SLC2A9: variants seen among roughly 807,000 people sequenced by gnomAD.
SLC2A9 encodes the protein solute carrier family 2 member 9.
SLC2A9 carries 39 observed loss-of-function variants against 50.6 expected under a neutral mutation model. The observed-to-expected ratio is 0.77, with a 90% CI of 0.60 to 1.01. The LOEUF is 1.01. Among genes scored for constraint, SLC2A9 ranks in the 50% least tolerant of loss-of-function variants. SLC2A9 has a pLI of 0.00. For missense variants in SLC2A9, 686 were observed against 677.6 expected (o/e 1.01, Z -0.14); for synonymous variants, 324 against 276.9 (o/e 1.17, Z -1.69).
chr4:9,916,187 G>C (rs114602281), intron 7 of SLC2A9, among the ~76,000 whole-genome samples: 7,975 of 152,216 alleles, frequency 0.052, 689 homozygotes, highest in African/African-American at 0.18. Context: ...AGACCTCTTA[G>C]TCTAGCAAGG....
chr4:9,939,717 G>C (rs1025509054), intron 6 of SLC2A9, among the ~76,000 whole-genome samples: 1 of 152,082 alleles, frequency 6.6e-6, no homozygotes, highest in Non-Finnish European at 1.5e-5. Flanking sequence ...ATACAGATGA[G>C]CCATTAGTGG....
downstream of SLC2A9, among the ~76,000 whole-genome samples, chr4:9,775,340 C>T (rs1399204341): frequency 6.6e-6 from 1 of 152,136 alleles, no homozygotes; most frequent in African/African-American, 2.4e-5. Flanking sequence ...TGAGCCTCAG[C>T]CCCCATGCAG....
chr4:9,983,069 T>C (rs1756147041), intron 4 of SLC2A9, among the ~76,000 whole-genome samples: 1 of 152,092 alleles, frequency 6.6e-6, no homozygotes, highest in Non-Finnish European at 1.5e-5. Flanking sequence ...GGTTTCTCCA[T>C]GTTGGTCAGG....
chr4:9,865,215 G>C (rs771764959), intron 10 of SLC2A9, among the ~76,000 whole-genome samples: 21 of 152,236 alleles, frequency 1.4e-4, no homozygotes, highest in Non-Finnish European at 3.1e-4. Flanking sequence ...ACAGCTAAAG[G>C]TAGGTGCACC....
chr4:9,773,703 G>T (rs1717144331), intron 1 of SLC2A9, among the ~76,000 whole-genome samples: 1 of 152,188 alleles, frequency 6.6e-6, no homozygotes, highest in African/African-American at 2.4e-5. Flanking sequence ...GTTGATTAGA[G>T]CCTGTGCTGA....
intron 3 of SLC2A9, among the ~76,000 whole-genome samples, chr4:9,996,394 G>A (rs937007388): frequency 5.3e-5 from 8 of 152,268 alleles, no homozygotes; most frequent in African/African-American, 1.9e-4. Flanking sequence ...TCTATGCCCC[G>A]GGAGCATCTC....
At chr4:9,827,348 G>C (rs1224096858) in intron 11 of SLC2A9, among the ~76,000 whole-genome samples, 1 of 152,208 alleles carries the variant, frequency 6.6e-6, no homozygotes, top group South Asian at 2.1e-4. Context: ...CCCAGGTACT[G>C]GGATTATAGG....
chr4:9,797,829 C>A (rs190824708), downstream of SLC2A9, among the ~76,000 whole-genome samples: 8 of 152,184 alleles, frequency 5.3e-5, no homozygotes, highest in Non-Finnish European at 8.8e-5. Context: ...TCTCACTCTG[C>A]GCCCAGGCTA....
rs544866764 is a variant in SLC2A9 at position 9,861,755 on chromosome 4, G to A, written c.1291+25812C>T. Among the ~76,000 whole-genome samples the A allele has an allele frequency of 5.5e-4, 83 of 152,096 alleles. 1 individual carries two copies. The highest frequency in any genetic ancestry group is 1.9e-3 in the African/African-American group (78 of 41,474). On this transcript the variant is annotated intron_variant, in intron 10 of 11. Coordinates refer to ENST00000264784, the MANE Select transcript of SLC2A9 (RefSeq NM_020041.3). ...AATGAATCTGGCTGTGTCCTCATCC[G>A]GAGAGTCTTATTCATCTTTGCATCC...
intron 1 of SLC2A9, 49 bp from the exon 2 acceptor site, chr4:10,019,122 G>A (rs1212707884): frequency 1.4e-6 from 2 of 1,479,184 alleles, no homozygotes; most frequent in East Asian, 4.9e-5. Context: ...CGCGCAGCCA[G>A]GGCCGAGGGA....
rs764863059 is a variant in SLC2A9 at position 9,950,892 on chromosome 4, CAAAAAAAAAAAA to C, written c.682-8859_682-8848del. On this transcript the variant is annotated intron_variant, in intron 5 of 11. Coordinates refer to ENST00000264784, the MANE Select transcript of SLC2A9 (RefSeq NM_020041.3). ...TGGGCGACAGAGCGAGACTCCGTCT[CAAAAAAAAAAAA>C]AAAAAAAAAAAAAAAGAAAACAGTA... Among the ~76,000 whole-genome samples, 14 of 11,554 alleles carry C rather than the reference CAAAAAAAAAAAA, an allele frequency of 1.2e-3. 3 individuals are homozygous for C. The South Asian group carries it at 0.026, about 21-fold the overall frequency. The allele number at this position is 11,554 out of a possible 152,430, so 7.6% of individuals were successfully genotyped here.
At chr4:9,913,999 C>T (rs1229007108) in intron 7 of SLC2A9, among the ~76,000 whole-genome samples, 2 of 152,184 alleles carry the variant, frequency 1.3e-5, no homozygotes, top group Admixed American at 6.5e-5. Flanking sequence ...ACTGCATTCC[C>T]AGCACAGCCC....
chr4:9,806,890 G>A (rs1722191738), intron 3 of SLC2A9, among the ~76,000 whole-genome samples: 2 of 152,184 alleles, frequency 1.3e-5, no homozygotes, highest in Non-Finnish European at 2.9e-5. Flanking sequence ...CGCTTGAACT[G>A]ATTAGAGGAG....
At chr4:9,840,327 A>G (rs1246637772) in intron 10 of SLC2A9, among the ~76,000 whole-genome samples, 1 of 152,210 alleles carries the variant, frequency 6.6e-6, no homozygotes, top group Non-Finnish European at 1.5e-5. Flanking sequence ...CTGATTTCCT[A>G]AGAGTCTTTT....
chr4:9,909,158 A>G (rs1056438277), intron 7 of SLC2A9, among the ~76,000 whole-genome samples: 2 of 152,226 alleles, frequency 1.3e-5, no homozygotes, highest in Admixed American at 6.5e-5. Flanking sequence ...TTAACTATAC[A>G]TAGAGCCCCT....
At chr4:9,922,215 G>A (rs62293333) in intron 6 of SLC2A9, among the ~76,000 whole-genome samples, 25,256 of 152,022 alleles carry the variant, frequency 0.17, 2,356 homozygotes, top group Non-Finnish European at 0.21. Context: ...AACTAACGCC[G>A]GAACAGAAAA....
chr4:9,794,620 T>C (rs1444857093), downstream of SLC2A9, among the ~76,000 whole-genome samples: 2 of 152,194 alleles, frequency 1.3e-5, no homozygotes, highest in Non-Finnish European at 2.9e-5. Flanking sequence ...CTGTCTTATA[T>C]AGTAAGAGTG....
chr4:10,037,607 T>C (rs1045505848), intron 1 of SLC2A9, among the ~76,000 whole-genome samples: 5 of 151,734 alleles, frequency 3.3e-5, no homozygotes, highest in Admixed American at 6.6e-5. Context: ...AAAAATAAAA[T>C]GAATGAAAAA....
At chr4:9,912,280 T>TA (rs1317665301) in intron 7 of SLC2A9, among the ~76,000 whole-genome samples, 3 of 151,842 alleles carry the variant, frequency 2.0e-5, no homozygotes, top group Non-Finnish European at 4.4e-5. Context: ...CCCTAAAACT[T>TA]AAAGTATAAT....
Sources: allele counts gnomAD v4.1 joint callset (sites outside exome capture counted in the v4.1 genomes callset), GRCh38; gene constraint gnomAD v4.1.1; transcripts MANE v1.5; gene names NCBI Gene and HGNC (gene_info 2026-07-23, HGNC 2026-07-21).